Variants in CCDC73 observed in about 807,000 individuals in gnomAD.
CCDC73 encodes the protein coiled-coil domain containing 73.
In CCDC73, 95 loss-of-function variants were observed where a neutral mutation model predicts 116.5. The ratio of observed to expected loss-of-function variants is 0.82; its 90% CI spans 0.69 to 0.97. The LOEUF (loss-of-function observed/expected upper bound fraction) is 0.97, where lower values mean the gene tolerates loss of function less well. Among genes scored for constraint, CCDC73 ranks in the 50% least tolerant of loss-of-function variants. The pLI is 0.00. For synonymous variants in CCDC73, 398 were observed against 401.3 expected, an observed-to-expected ratio of 0.99 and a Z score of 0.10; for missense variants, 1,066 against 1,206.8, an observed-to-expected ratio of 0.88 and a Z score of 1.73.
At chr11:32,781,817 A>T (rs547232610) in intron 1 of CCDC73, among the ~76,000 whole-genome samples, 41 of 152,304 alleles carry the variant, frequency 2.7e-4, no homozygotes, top group African/African-American at 9.9e-4. Context: ...GCAGATTGGA[A>T]GGAAGTGTGT....
upstream of CCDC73, among the ~76,000 whole-genome samples, chr11:32,797,573 A>G (rs904612722): frequency 2.0e-5 from 3 of 151,948 alleles, no homozygotes; most frequent in African/African-American, 7.3e-5. Context: ...TGGTGCAATC[A>G]CTCGACTCTA....
chr11:32,683,607 A>G, intron 6 of CCDC73, 33 bp from the exon 7 acceptor site: 2 of 1,261,994 alleles, frequency 1.6e-6, no homozygotes, highest in Non-Finnish European at 2.3e-6. Flanking sequence ...TCTCATTAAA[A>G]TACTTTAATT....
At chr11:32,830,223 G>T in the CCDC73 span, 1 of 1,071,496 alleles carries the variant, frequency 9.3e-7, no homozygotes, top group South Asian at 4.4e-5. Flanking sequence ...TACCTGGAAG[G>T]GGCCACCTCG....
rs527656868 is a variant in CCDC73 at position 32,610,031 on chromosome 11, C to T, written c.3030+1101G>A. Reference sequence around the variant, plus strand: ...GTCTCGATCTCCTGACCTCATGATCCGCCCACCTCAGCCTCCCAAAGTGCT... The same window carrying T: ...GTCTCGATCTCCTGACCTCATGATCTGCCCACCTCAGCCTCCCAAAGTGCT... On this transcript the variant is annotated intron_variant, in intron 17 of 17. Coordinates refer to ENST00000335185, the MANE Select transcript of CCDC73 (RefSeq NM_001008391.4). 2.1e-4 allele frequency among the ~76,000 whole-genome samples: 32 copies of T among 151,558 alleles called. 1 individual carries two copies. In the South Asian group the frequency reaches 4.8e-3, roughly 23 times the overall value.
At chr11:32,664,312 G>A (rs190241218) in intron 9 of CCDC73, among the ~76,000 whole-genome samples, 88 of 152,206 alleles carry the variant, frequency 5.8e-4, no homozygotes, top group Non-Finnish European at 1.9e-4. Context: ...TCTGGTCCTG[G>A]ACTTTTTTTG....
Position 32,715,872 on chromosome 11 carries a change from T to A in CCDC73, c.207+2204A>T, listed in dbSNP as rs145600742. ...GTAAACATCTGGTTTATCAAACAAC[T>A]ATTTATTCTCAAGAGTAGCTTCAAG... is the stretch of plus-strand genomic sequence containing the variant. On this transcript the variant is annotated intron_variant, in intron 3 of 17. Transcript: ENST00000335185. Among the ~76,000 whole-genome samples the A allele has an allele frequency of 8.5e-4, 130 of 152,282 alleles. 5 individuals carry two copies. In the East Asian group the frequency reaches 0.021, roughly 25 times the overall value.
intron 1 of CCDC73, among the ~76,000 whole-genome samples, chr11:32,781,066 C>T (rs1014738497): frequency 2.6e-5 from 4 of 152,110 alleles, no homozygotes; most frequent in African/African-American, 7.2e-5. Flanking sequence ...GCCCAGAAGG[C>T]GGACGTTGCA....
intron 6 of CCDC73, among the ~76,000 whole-genome samples, chr11:32,689,048 AATCT>A (rs981464929): frequency 3.3e-5 from 5 of 152,158 alleles, no homozygotes; most frequent in Admixed American, 2.6e-4. Context: ...TAGAGAAAGG[AATCT>A]AGAAGAACAG....
chr11:32,769,409 T>C (rs1484719976), intron 1 of CCDC73, among the ~76,000 whole-genome samples: 1 of 152,150 alleles, frequency 6.6e-6, no homozygotes, highest in Non-Finnish European at 1.5e-5. Flanking sequence ...CTGGACCACA[T>C]ACCTCTCATA....
At chr11:32,617,967 T>C (rs541773638) in intron 14 of CCDC73, among the ~76,000 whole-genome samples, 181 of 152,224 alleles carry the variant, frequency 1.2e-3, no homozygotes, top group Non-Finnish European at 1.8e-3. Context: ...CTTTGGGGTA[T>C]GACTGATCCC....
intron 1 of CCDC73, among the ~76,000 whole-genome samples, chr11:32,789,257 A>G (rs1850654081): frequency 6.6e-6 from 1 of 152,208 alleles, no homozygotes; most frequent in African/African-American, 2.4e-5. Flanking sequence ...GATAAGGTGA[A>G]AGGGCCACAG....
chr11:32,643,698 T>G (rs1315062934), intron 12 of CCDC73, among the ~76,000 whole-genome samples: 1 of 152,148 alleles, frequency 6.6e-6, no homozygotes, highest in Admixed American at 6.5e-5. Flanking sequence ...TATAAGGTAC[T>G]TACCATGAAC....
intron 9 of CCDC73, among the ~76,000 whole-genome samples, chr11:32,673,794 T>C (rs1349956640): frequency 2.0e-5 from 3 of 152,114 alleles, no homozygotes; most frequent in African/African-American, 4.8e-5. Context: ...GCACGAAGGA[T>C]ATAAAAGAAC....
chr11:32,733,569 C>T (rs1310895497), intron 2 of CCDC73, among the ~76,000 whole-genome samples: 4 of 152,220 alleles, frequency 2.6e-5, no homozygotes, highest in Non-Finnish European at 5.9e-5. Context: ...AACAAACTGT[C>T]TCTCAGACTA....
chr11:32,634,778 C>CT (rs1855663346), intron 14 of CCDC73, among the ~76,000 whole-genome samples: 1 of 152,126 alleles, frequency 6.6e-6, no homozygotes, highest in Admixed American at 6.6e-5. Flanking sequence ...ACGAAAACAA[C>CT]TATTATAACA....
At chr11:32,663,126 C>G (rs900829099) in intron 9 of CCDC73, among the ~76,000 whole-genome samples, 1 of 152,276 alleles carries the variant, frequency 6.6e-6, no homozygotes, top group East Asian at 1.9e-4. Context: ...TAGTGTGATG[C>G]CTCCAGCTTT....
Position 32,732,330 on chromosome 11 carries a change from T to C in CCDC73, c.136-14183A>G, listed in dbSNP as rs569390834. The stretch of plus-strand genomic sequence containing the variant: ...AAGTGATGGGGAGAATGGAACCAAG[T>C]TGGAAAACACACTTCAGGATATTAT... On this transcript the variant is annotated intron_variant, in intron 2 of 17. Coordinates refer to ENST00000335185, the MANE Select transcript of CCDC73 (RefSeq NM_001008391.4). Among the ~76,000 whole-genome samples, 7 of 152,292 alleles carry C rather than the reference T, an allele frequency of 4.6e-5. No individual in the cohort carries two copies. In the East Asian group the frequency reaches 5.8e-4, roughly 13 times the overall value.
intron 9 of CCDC73, among the ~76,000 whole-genome samples, chr11:32,657,141 A>G (rs1025234875): frequency 2.0e-5 from 3 of 152,190 alleles, no homozygotes; most frequent in African/African-American, 7.2e-5. Flanking sequence ...CCCAAAAGGA[A>G]GCTGAAAGAG....
At chr11:32,774,797 A>G (rs747988103) in intron 1 of CCDC73, among the ~76,000 whole-genome samples, 6 of 152,236 alleles carry the variant, frequency 3.9e-5, no homozygotes, top group Non-Finnish European at 8.8e-5. Flanking sequence ...GCTTCCTAGC[A>G]TAGGTACAGC....
Sources: allele counts gnomAD v4.1 joint callset (sites outside exome capture counted in the v4.1 genomes callset), GRCh38; gene constraint gnomAD v4.1.1; transcripts MANE v1.5; gene names NCBI Gene and HGNC (gene_info 2026-07-23, HGNC 2026-07-21).